PDCD1LG2: variants seen among roughly 807,000 people sequenced by gnomAD.
PDCD1LG2 encodes B7 dendritic cell molecule.
PDCD1LG2 carries 32 observed loss-of-function variants against 28.2 expected under a neutral mutation model. The ratio of observed to expected loss-of-function variants is 1.13; its 90% confidence interval spans 0.86 to 1.52. The LOEUF (loss-of-function observed/expected upper bound fraction) is 1.52. PDCD1LG2 is among the 40% of genes most tolerant of loss of function. PDCD1LG2 has a pLI of 0.00. For synonymous variants in PDCD1LG2, 116 were observed against 120.2 expected (o/e 0.97, Z 0.23); for missense variants, 385 against 323.8 (o/e 1.19, Z -1.45).
At chr9:5,524,396 T>C (rs1043287037) in intron 2 of PDCD1LG2, among the ~76,000 whole-genome samples, 13 of 152,238 alleles carry the variant, frequency 8.5e-5, no homozygotes, top group Non-Finnish European at 4.4e-5. Flanking sequence ...TCAAAAAATA[T>C]GTGTAATGAA....
chr9:5,525,436 T>C (rs1023684617), intron 2 of PDCD1LG2, among the ~76,000 whole-genome samples: 5 of 151,580 alleles, frequency 3.3e-5, no homozygotes, highest in Non-Finnish European at 5.9e-5. Flanking sequence ...GAGAATTTGA[T>C]TCCAGGAGTA....
chr9:5,562,070 A>G (rs1275529948), intron 5 of PDCD1LG2, among the ~76,000 whole-genome samples: 1 of 152,206 alleles, frequency 6.6e-6, no homozygotes, highest in East Asian at 1.9e-4. Context: ...AACCTGGTAT[A>G]TAGGGCAAAA....
In PDCD1LG2 at chr9:5,530,410, C is replaced by G. The variant is rs528140901; in HGVS notation, c.56-4335C>G. ...TCAGGAGTTCAATCCTAGGTTGAAG[C>G]TTAATTTAATAACCATGTGGCATGT... On this transcript the variant is annotated intron_variant, in intron 2 of 6. Coordinates refer to ENST00000397747, the MANE Select transcript of PDCD1LG2 (RefSeq NM_025239.4). Among the ~76,000 whole-genome samples, 13 of 150,660 alleles carry G rather than the reference C, an allele frequency of 8.6e-5. No homozygotes were observed. In the South Asian group the frequency reaches 2.5e-3, roughly 29 times the overall value.
chr9:5,531,341 G>C (rs1310318037), intron 2 of PDCD1LG2, among the ~76,000 whole-genome samples: 2 of 152,162 alleles, frequency 1.3e-5, no homozygotes, highest in Non-Finnish European at 2.9e-5. Flanking sequence ...CTCTTATTTT[G>C]TATGGAGTAA....
intron 3 of PDCD1LG2, among the ~76,000 whole-genome samples, chr9:5,544,972 T>C (rs2129852013): frequency 6.6e-6 from 1 of 152,324 alleles, no homozygotes. Flanking sequence ...AACCAAAGAC[T>C]ACTATCTGGA....
intron 2 of PDCD1LG2, among the ~76,000 whole-genome samples, chr9:5,527,928 A>G (rs575300282): frequency 1.3e-5 from 2 of 152,218 alleles, no homozygotes; most frequent in South Asian, 2.1e-4. Flanking sequence ...TCCCGGGTTC[A>G]GGCTATTCTC....
At chr9:5,518,312 C>T (rs1434351217) in intron 1 of PDCD1LG2, among the ~76,000 whole-genome samples, 1 of 152,186 alleles carries the variant, frequency 6.6e-6, no homozygotes, top group African/African-American at 2.4e-5. Flanking sequence ...ATCTTTATAG[C>T]AGTGTCTGTT....
chr9:5,567,849 G>A (rs1200326643), intron 6 of PDCD1LG2, among the ~76,000 whole-genome samples: 1 of 152,200 alleles, frequency 6.6e-6, no homozygotes, highest in African/African-American at 2.4e-5. Context: ...AGGTACTCAA[G>A]AAACAGTTCT....
At chr9:5,523,084 C>T (rs565814435) in intron 2 of PDCD1LG2, among the ~76,000 whole-genome samples, 8 of 152,268 alleles carry the variant, frequency 5.3e-5, no homozygotes, top group South Asian at 2.1e-4. Context: ...CAATAGCAGC[C>T]GTTGGTCATT....
At chr9:5,558,061 G>A (rs1184824656) in intron 5 of PDCD1LG2, among the ~76,000 whole-genome samples, 2 of 152,214 alleles carry the variant, frequency 1.3e-5, no homozygotes, top group Non-Finnish European at 2.9e-5. Context: ...TGGCAATGCA[G>A]AGAGCTACGT....
At chr9:5,526,639 T>A (rs1212093333) in intron 2 of PDCD1LG2, among the ~76,000 whole-genome samples, 3 of 152,152 alleles carry the variant, frequency 2.0e-5, no homozygotes, top group East Asian at 1.9e-4. Context: ...GGTCTTGCTA[T>A]GTTACACAGG....
intron 1 of PDCD1LG2, among the ~76,000 whole-genome samples, chr9:5,516,482 C>A (rs965581998): frequency 1.5e-4 from 23 of 152,270 alleles, no homozygotes; most frequent in Admixed American, 8.5e-4. Context: ...AATTGGCAAC[C>A]TGGCTCCCAG....
intron 1 of PDCD1LG2, among the ~76,000 whole-genome samples, chr9:5,511,313 A>G (rs1381104900): frequency 6.6e-6 from 1 of 152,238 alleles, no homozygotes; most frequent in Non-Finnish European, 1.5e-5. Context: ...ATCATTATTG[A>G]ACAAAAGCAT....
In PDCD1LG2 at chr9:5,570,553, A is replaced by C. The variant is rs1018427405; in HGVS notation, c.*594A>C. On this transcript the variant is annotated 3_prime_UTR_variant, in exon 7 of 7. Transcript: ENST00000397747. ...CATTTAAATATACACTAAGTGCACA[A>C]ATTGTGGAGTAAAGTCATCAAGCTC... 4.3e-5 allele frequency: 10 copies of C among 232,770 alleles called. No individual in the cohort carries two copies. The East Asian group carries it at 6.1e-4, about 14-fold the overall frequency. The allele number at this position is 232,770 out of a possible 1,614,324, so 14.4% of individuals were successfully genotyped here.
At position 5,570,183 on chromosome 9, in the gene PDCD1LG2, A is replaced by C. The variant is rs1816744456; in HGVS notation, c.*224A>C. 1.8e-6 allele frequency: 1 copy of C among 566,280 alleles called. No homozygotes were observed. The highest frequency in any genetic ancestry group is 2.6e-5 in the South Asian group (1 of 38,874). 35.1% of individuals were successfully genotyped at this position (566,280 alleles called of 1,614,324 possible). On this transcript the variant is annotated 3_prime_UTR_variant, in exon 7 of 7. Transcript: ENST00000397747. Reference sequence around the variant, plus strand: ...CTCACCTCTGGAGCCTATGGCTTTAAGCAAGCACTACTGCACTTTACAGAA... The same window carrying C: ...CTCACCTCTGGAGCCTATGGCTTTACGCAAGCACTACTGCACTTTACAGAA...
At chr9:5,557,831 G>A (rs1248783860) in intron 5 of PDCD1LG2, 79 bp downstream of exon 5, 5 of 1,542,724 alleles carry the variant, frequency 3.2e-6, no homozygotes, top group Non-Finnish European at 4.5e-6. Context: ...GCAGGCCTAT[G>A]GCTTGCTGCT....
intron 4 of PDCD1LG2, among the ~76,000 whole-genome samples, chr9:5,552,687 A>C (rs1381967369): frequency 6.6e-6 from 1 of 152,212 alleles, no homozygotes; most frequent in Non-Finnish European, 1.5e-5. Context: ...ACTGATCCAC[A>C]GACCAGACTC....
Position 5,519,238 on chromosome 9 carries a change from G to A in PDCD1LG2, c.-14-3295G>A, listed in dbSNP as rs73386683. On this transcript the variant is annotated intron_variant, in intron 1 of 6. Transcript: ENST00000397747. ...TAGTCTTCTGGTACTTGGCCCTGGG[G>A]TGATTAAGGCAGTTGCATAGTGTTG... Among the ~76,000 whole-genome samples, 721 of 152,282 alleles carry A rather than the reference G, an allele frequency of 4.7e-3. 7 individuals carry two copies. Among genetic ancestry groups the A allele is most frequent in the African/African-American group, 0.015 (603 of 41,548 alleles).
intron 3 of PDCD1LG2, among the ~76,000 whole-genome samples, chr9:5,546,286 G>T (rs909441291): frequency 7.2e-5 from 11 of 152,120 alleles, no homozygotes; most frequent in Non-Finnish European, 5.9e-5. Context: ...ATAGTGGGCT[G>T]GACCCTCACC....
Sources: gnomAD v4.1 joint callset for allele counts (sites outside exome capture counted in the v4.1 genomes callset) on GRCh38, gnomAD v4.1.1 for gene constraint, MANE v1.5 for transcripts, NCBI Gene and HGNC (gene_info 2026-07-23, HGNC 2026-07-21) for gene names.